Variants in HHAT observed in about 807,000 individuals in gnomAD.
The protein encoded by HHAT is protein-cysteine N-palmitoyltransferase HHAT.
A neutral mutation model predicts 70.8 loss-of-function variants in HHAT; 47 were observed. The ratio of observed to expected loss-of-function variants is 0.66; its 90% confidence interval spans 0.53 to 0.85. The LOEUF is 0.85. Among genes scored for constraint, HHAT ranks in the 40% least tolerant of loss-of-function variants. The pLI is 0.00. For synonymous variants in HHAT, 228 were observed against 247.6 expected, an observed-to-expected ratio of 0.92 and a Z score of 0.74; for missense variants, 609 against 604.8, an observed-to-expected ratio of 1.01 and a Z score of -0.07.
At chr1:210,350,105 T>C (rs1310817876) in intron 2 of HHAT, among the ~76,000 whole-genome samples, 2 of 152,260 alleles carry the variant, frequency 1.3e-5, no homozygotes, top group Non-Finnish European at 2.9e-5. Flanking sequence ...GATAGAAGTC[T>C]TCTAACTGTT....
chr1:210,473,253 T>C (rs1236365438), intron 8 of HHAT, among the ~76,000 whole-genome samples: 1 of 152,218 alleles, frequency 6.6e-6, no homozygotes, highest in African/African-American at 2.4e-5. Context: ...ATTTGGTATC[T>C]TATTGCCACA....
chr1:210,377,920 C>CT (rs1464044087), intron 3 of HHAT, among the ~76,000 whole-genome samples: 4 of 152,096 alleles, frequency 2.6e-5, no homozygotes, highest in Non-Finnish European at 5.9e-5. Context: ...TCAGTAGGGA[C>CT]TTTGTTATTT....
intron 8 of HHAT, among the ~76,000 whole-genome samples, chr1:210,505,116 C>G (rs932756549): frequency 3.9e-5 from 6 of 152,242 alleles, no homozygotes; most frequent in African/African-American, 1.4e-4. Flanking sequence ...CCAGGCTGTT[C>G]TTGAACTCCT....
At chr1:210,450,294 T>TTGG (rs1553374402) in intron 7 of HHAT, among the ~76,000 whole-genome samples, 1 of 144,600 alleles carries the variant, frequency 6.9e-6, no homozygotes, top group Admixed American at 6.9e-5. Flanking sequence ...GCGTCTCAGG[T>TTGG]GGGGGGGGTG....
rs564172523 is a variant in HHAT at position 210,387,562 on chromosome 1, C to T, written c.254C>T (p.Ala85Val). 1.9e-6 allele frequency: 3 copies of T among 1,613,154 alleles called. No homozygotes were observed. The highest frequency in any genetic ancestry group is 2.5e-6 in the Non-Finnish European group (3 of 1,179,202). Residue 85 changes from alanine (A) to valine (V), a missense_variant, in exon 4 of 12, where the codon GCC (alanine) becomes GTC (valine). Transcript: ENST00000261458. ...LLGHMVVSQM[A>V]TLLARKHRPW... ...GGCCACATGGTAGTGTCTCAAATGG[C>T]CACACTGCTGGCAAGAAAGGTATGA...
Position 210,481,375 on chromosome 1 carries a change from G to A in HHAT, c.1007+16720G>A, listed in dbSNP as rs1018494668. Among the ~76,000 whole-genome samples the A allele has an allele frequency of 6.1e-4, 93 of 151,402 alleles. 1 individual carries two copies. Among genetic ancestry groups the A allele is most frequent in the Non-Finnish European group, 8.8e-5 (6 of 67,900 alleles). On this transcript the variant is annotated intron_variant, in intron 8 of 11. Coordinates refer to ENST00000261458, the MANE Select transcript of HHAT (RefSeq NM_018194.6). ...ATTCACATTGAACTCATGGCCAACA[G>A]CACCATAACTTGTGCTTGAATAAAG...
intron 8 of HHAT, among the ~76,000 whole-genome samples, chr1:210,474,260 C>T (rs2094261379): frequency 6.6e-6 from 1 of 152,190 alleles, no homozygotes; most frequent in Non-Finnish European, 1.5e-5. Flanking sequence ...TGATCCTTCA[C>T]TATTCCCACT....
At chr1:210,600,690 A>G (rs544079982) in intron 10 of HHAT, among the ~76,000 whole-genome samples, 1 of 152,246 alleles carries the variant, frequency 6.6e-6, no homozygotes, top group African/African-American at 2.4e-5. Context: ...TCTCTGTACA[A>G]GTACTCTCCA....
At chr1:210,588,918 A>T (rs1661071560) in intron 10 of HHAT, 2 of 152,248 alleles carry the variant, frequency 1.3e-5, no homozygotes, top group African/African-American at 4.8e-5. Flanking sequence ...GATTTGGAAA[A>T]TCAATTAAGC....
At chr1:210,581,602 A>C (rs1659277108) in intron 9 of HHAT, among the ~76,000 whole-genome samples, 2 of 152,182 alleles carry the variant, frequency 1.3e-5, no homozygotes, top group Admixed American at 6.5e-5. Context: ...TGGGTGGTAA[A>C]TCTCTTAGGG....
At chr1:210,582,840 G>C (rs910123926) in intron 9 of HHAT, among the ~76,000 whole-genome samples, 1 of 152,200 alleles carries the variant, frequency 6.6e-6, no homozygotes, top group Non-Finnish European at 1.5e-5. Context: ...CTTGTCTTCT[G>C]ACACTGAACA....
At chr1:210,511,375 T>C (rs1045269097) in intron 8 of HHAT, among the ~76,000 whole-genome samples, 1 of 152,224 alleles carries the variant, frequency 6.6e-6, no homozygotes, top group Non-Finnish European at 1.5e-5. Flanking sequence ...AGTTTCTTTA[T>C]TCTCACCTAT....
chr1:210,638,722 C>CAAAAAAAAAA (rs71146238), intron 11 of HHAT, among the ~76,000 whole-genome samples: 5 of 95,262 alleles, frequency 5.2e-5, no homozygotes, highest in Non-Finnish European at 7.9e-5. Context: ...CCTGTATTTA[C>CAAAAAAAAAA]AAAAAAAAAA....
chr1:210,367,518 C>T (rs1413979867), intron 3 of HHAT, among the ~76,000 whole-genome samples: 1 of 152,058 alleles, frequency 6.6e-6, no homozygotes, highest in Non-Finnish European at 1.5e-5. Context: ...ACCTGAGCTC[C>T]AGAGAATGAG....
intron 9 of HHAT, among the ~76,000 whole-genome samples, chr1:210,566,947 G>A (rs760711267): frequency 6.6e-6 from 1 of 152,210 alleles, no homozygotes; most frequent in African/African-American, 2.4e-5. Context: ...AGAATGCACT[G>A]TAACACATGC....
At chr1:210,348,484 T>C (rs1403706604) in intron 1 of HHAT, among the ~76,000 whole-genome samples, 1 of 152,134 alleles carries the variant, frequency 6.6e-6, no homozygotes, top group Non-Finnish European at 1.5e-5. Context: ...TTTTCAGACT[T>C]TTTGAAGCCA....
Position 210,594,903 on chromosome 1 carries a change from C to T in HHAT, c.1245+6804C>T, listed in dbSNP as rs1490503166. ...AAGGTTTCCATTGAAAAATCTTCTG[C>T]CAGATGTGTTGGAGCTGCAATGTAT... On this transcript the variant is annotated intron_variant, in intron 10 of 11. Transcript: ENST00000261458. Among the ~76,000 whole-genome samples, 3 of 152,122 alleles carry T rather than the reference C, an allele frequency of 2.0e-5. No homozygotes were observed. The East Asian group carries it at 5.8e-4, about 29-fold the overall frequency.
intron 1 of HHAT, among the ~76,000 whole-genome samples, chr1:210,336,403 C>G (rs1203745258): frequency 2.0e-5 from 3 of 149,238 alleles, no homozygotes; most frequent in African/African-American, 7.5e-5. Flanking sequence ...GCTAGAATTA[C>G]AGATGTGAGC....
intron 11 of HHAT, among the ~76,000 whole-genome samples, chr1:210,652,171 A>G (rs56014395): frequency 0.027 from 4,136 of 152,262 alleles, 190 homozygotes; most frequent in African/African-American, 0.095. Context: ...TAGATGGAAT[A>G]GAGGGGATTG....
Sources: allele counts gnomAD v4.1 joint callset (sites outside exome capture counted in the v4.1 genomes callset), GRCh38; gene constraint gnomAD v4.1.1; transcripts MANE v1.5; gene names NCBI Gene and HGNC (gene_info 2026-07-23, HGNC 2026-07-21).